The following PHF14 variants were observed in gnomAD, a reference collection of about 807,000 sequenced individuals.
PHF14 encodes PHD finger protein 14.
PHF14 carries 55 observed loss-of-function variants against 117.9 expected under a neutral mutation model. The observed-to-expected ratio is 0.47, with a 90% confidence interval of 0.38 to 0.58. The LOEUF is 0.58. PHF14 is among the 20% of genes least tolerant of loss of function. The probability of loss-of-function intolerance (pLI) is 0.00; values close to 1 mark genes in which losing one functional copy is unlikely to be tolerated. For synonymous variants in PHF14, 409 were observed against 368.6 expected (o/e 1.11, Z -1.26); for missense variants, 978 against 1,122.2 (o/e 0.87, Z 1.84).
chr7:11,072,948 T>A (rs1235204641), intron 16 of PHF14, among the ~76,000 whole-genome samples: 2 of 152,276 alleles, frequency 1.3e-5, no homozygotes, highest in African/African-American at 4.8e-5. Context: ...CTTATTCCCA[T>A]GGGTTTAGTG....
At chr7:11,034,319 G>C (rs981535092) in intron 7 of PHF14, among the ~76,000 whole-genome samples, 1 of 151,890 alleles carries the variant, frequency 6.6e-6, no homozygotes, top group African/African-American at 2.4e-5. Flanking sequence ...TGAACAGCCT[G>C]TTGTTTTGTT....
At chr7:11,085,234 A>G (rs1174142780) in intron 16 of PHF14, among the ~76,000 whole-genome samples, 1 of 152,196 alleles carries the variant, frequency 6.6e-6, no homozygotes, top group East Asian at 1.9e-4. Flanking sequence ...TGTGTCATCT[A>G]TAAATAATTT....
chr7:11,140,870 G>A (rs965549661), intron 17 of PHF14, among the ~76,000 whole-genome samples: 1 of 152,076 alleles, frequency 6.6e-6, no homozygotes, highest in African/African-American at 2.4e-5. Flanking sequence ...CCTGGGAAGC[G>A]TCTTTGATAT....
intron 4 of PHF14, 92 bp downstream of exon 4, chr7:10,990,939 T>G (rs1424259108): frequency 2.3e-6 from 2 of 851,114 alleles, no homozygotes; most frequent in Non-Finnish European, 3.5e-6. Context: ...TTTCATGGTG[T>G]TTCGGTTGAA....
intron 16 of PHF14, among the ~76,000 whole-genome samples, chr7:11,088,023 G>A (rs569330919): frequency 6.6e-6 from 1 of 152,206 alleles, no homozygotes; most frequent in South Asian, 2.1e-4. Flanking sequence ...ATATAACTTT[G>A]CAGAGTTATC....
In PHF14 at chr7:11,051,865, T is replaced by C. The variant is rs925603864; in HGVS notation, c.2481+85T>C. On this transcript the variant is annotated intron_variant, in intron 14 of 17. Coordinates refer to ENST00000634607, the MANE Select transcript of PHF14 (RefSeq NM_001007157.2). ...GTGAGAAAGACACAGGGCAAACATA[T>C]ACTCAGAAGTCAAAGAAAAAGACAT... is the stretch of plus-strand genomic sequence containing the variant. 4 of 1,094,058 alleles carry C rather than the reference T, an allele frequency of 3.7e-6. No individual in the cohort carries two copies. In the African/African-American group the frequency reaches 6.3e-5, roughly 17 times the overall value. 67.8% of individuals were successfully genotyped at this position (1,094,058 alleles called of 1,614,324 possible).
intron 17 of PHF14, among the ~76,000 whole-genome samples, chr7:11,156,629 A>G (rs902094010): frequency 6.6e-6 from 1 of 152,108 alleles, no homozygotes; most frequent in African/African-American, 2.4e-5. Flanking sequence ...CCCTATCTCT[A>G]CTAAAAAATA....
In PHF14 at chr7:10,979,643, G is replaced by A. The variant is rs1583323029; in HGVS notation, c.113-2729G>A. ...GCAGCCTATGGAAAAAATAGCCAAG[G>A]GCCTTGATTTTTCTCATTGTCATTA... is the stretch of plus-strand genomic sequence containing the variant. On this transcript the variant is annotated intron_variant, in intron 2 of 17. Coordinates refer to ENST00000634607, the MANE Select transcript of PHF14 (RefSeq NM_001007157.2). Among the ~76,000 whole-genome samples the A allele has an allele frequency of 4.0e-5, 6 of 150,684 alleles. No homozygotes were observed. The East Asian group carries it at 1.2e-3, about 29-fold the overall frequency.
At chr7:11,070,403 T>G (rs1287770105) in intron 16 of PHF14, among the ~76,000 whole-genome samples, 3 of 152,248 alleles carry the variant, frequency 2.0e-5, no homozygotes, top group Non-Finnish European at 2.9e-5. Context: ...AGGAATGTAT[T>G]GATTTCATCT....
intron 4 of PHF14, among the ~76,000 whole-genome samples, chr7:10,997,604 A>G (rs1251805374): frequency 6.6e-6 from 1 of 152,240 alleles, no homozygotes; most frequent in Non-Finnish European, 1.5e-5. Context: ...GGTCAAAGCC[A>G]TAGCCTGGGC....
Position 11,020,049 on chromosome 7 carries a change from C to T in PHF14, c.1206-2819C>T, listed in dbSNP as rs552524273. Among the ~76,000 whole-genome samples the T allele has an allele frequency of 2.0e-5, 3 of 151,608 alleles. No homozygotes were observed. In the South Asian group the frequency reaches 6.3e-4, roughly 32 times the overall value. ...ATTTTTAAAAATAAGCTTTATGTTG[C>T]AATAGAAGGCAGCATTGAAATCTTT... On this transcript the variant is annotated intron_variant, in intron 5 of 17. Coordinates refer to ENST00000634607, the MANE Select transcript of PHF14 (RefSeq NM_001007157.2).
At chr7:11,082,136 G>A (rs1786165206) in intron 16 of PHF14, among the ~76,000 whole-genome samples, 2 of 152,118 alleles carry the variant, frequency 1.3e-5, no homozygotes, top group African/African-American at 4.8e-5. Flanking sequence ...TTGAGCTCAA[G>A]AGTTAAAGAG....
At chr7:11,160,409 G>A (rs1028411391) in intron 17 of PHF14, among the ~76,000 whole-genome samples, 4 of 152,076 alleles carry the variant, frequency 2.6e-5, no homozygotes, top group African/African-American at 9.7e-5. Flanking sequence ...TTTTCTTCTG[G>A]CTATATACCC....
At chr7:10,996,064 G>T (rs1406958142) in intron 4 of PHF14, among the ~76,000 whole-genome samples, 1 of 152,244 alleles carries the variant, frequency 6.6e-6, no homozygotes, top group Non-Finnish European at 1.5e-5. Flanking sequence ...GGGCTGTGAG[G>T]GCTGCCAGCA....
intron 4 of PHF14, among the ~76,000 whole-genome samples, chr7:11,013,242 A>G (rs551264581): frequency 6.6e-6 from 1 of 152,216 alleles, no homozygotes; most frequent in African/African-American, 2.4e-5. Context: ...GCTCACTGCA[A>G]CCTTTGCCTC....
intron 2 of PHF14, among the ~76,000 whole-genome samples, chr7:10,976,113 C>T (rs191646907): frequency 1.3e-5 from 2 of 152,206 alleles, no homozygotes; most frequent in Non-Finnish European, 2.9e-5. Flanking sequence ...ATGGATTTGA[C>T]TTCAGAATTT....
rs60946963 is a variant in PHF14 at position 11,131,743 on chromosome 7, A to G, written c.2772+20276A>G. ...TACTATGTTGTCTTCTGGGAGTTTTATAGTTTTGCATTTTACATTTATGTC... is the reference window on the plus strand; with the variant it reads ...TACTATGTTGTCTTCTGGGAGTTTTGTAGTTTTGCATTTTACATTTATGTC... On this transcript the variant is annotated intron_variant, in intron 17 of 17. Transcript: ENST00000634607. 8.0e-3 allele frequency among the ~76,000 whole-genome samples: 1,209 copies of G among 151,798 alleles called. 11 individuals carry two copies. Among genetic ancestry groups the G allele is most frequent in the African/African-American group, 0.028 (1,149 of 41,462 alleles).
chr7:11,034,085 G>A (rs1784224613), intron 7 of PHF14, among the ~76,000 whole-genome samples: 1 of 151,954 alleles, frequency 6.6e-6, no homozygotes. Flanking sequence ...TTGCTGTACT[G>A]TGACATCTAT....
chr7:11,009,449 A>G (rs1783258734), intron 4 of PHF14, among the ~76,000 whole-genome samples: 1 of 152,162 alleles, frequency 6.6e-6, no homozygotes, highest in Non-Finnish European at 1.5e-5. Flanking sequence ...CCATAGAAAC[A>G]TGTCTTCTGT....
Sources: gnomAD v4.1 joint callset for allele counts (sites outside exome capture counted in the v4.1 genomes callset) on GRCh38, gnomAD v4.1.1 for gene constraint, MANE v1.5 for transcripts, NCBI Gene and HGNC (gene_info 2026-07-23, HGNC 2026-07-21) for gene names.